Variants in CRY1 observed in about 807,000 individuals in gnomAD.
CRY1 encodes cryptochrome circadian regulator 1.
Under a neutral mutation model 76.0 loss-of-function variants are expected in CRY1, and 45 were observed. The ratio of observed to expected loss-of-function variants is 0.59; its 90% CI spans 0.47 to 0.76. The LOEUF (loss-of-function observed/expected upper bound fraction) is 0.76. Ranked by LOEUF, CRY1 falls within the 30% of genes least tolerant of loss-of-function variation. CRY1 has a pLI of 0.00. For missense variants in CRY1, 587 were observed against 716.4 expected, an observed-to-expected ratio of 0.82 and a Z score of 2.06; for synonymous variants, 248 against 244.0, an observed-to-expected ratio of 1.02 and a Z score of -0.15.
chr12:107,048,940 AT>A (rs544190943), intron 1 of CRY1, among the ~76,000 whole-genome samples: 4 of 151,978 alleles, frequency 2.6e-5, no homozygotes, highest in African/African-American at 4.8e-5. Context: ...ATGCCTGGTT[AT>A]TTTTTACCGT....
At position 106,997,681 on chromosome 12, in the gene CRY1, C is replaced by A; in HGVS notation, c.1299G>T (p.Leu433Phe). The A allele has an allele frequency of 1.9e-6, 3 of 1,613,824 alleles. No homozygotes were observed. The South Asian group carries it at 3.3e-5, about 18-fold the overall frequency. Reference sequence around the variant, plus strand: ...TTGCAGGGAAGCCTCTTAGGACAGGCAAATAACGCCTTTGGGAGAAAAAAG... The same window carrying A: ...TTGCAGGGAAGCCTCTTAGGACAGGAAAATAACGCCTTTGGGAGAAAAAAG... ...DPNGDYIRRY[L>F]PVLRGFPAKY... is the part of the protein sequence containing the mutation. Residue 433 changes from leucine to phenylalanine, a missense_variant, in exon 9 of 13, where the codon TTG (leucine) becomes TTT (phenylalanine). By Grantham distance (22) the Leu-to-Phe change is conservative. Transcript: ENST00000008527.
At chr12:106,998,692 AAG>A (rs1952262306) in intron 7 of CRY1, among the ~76,000 whole-genome samples, 2 of 150,962 alleles carry the variant, frequency 1.3e-5, no homozygotes, top group African/African-American at 2.4e-5. Flanking sequence ...ACACACACAC[AAG>A]CTCAGAAATG....
At chr12:107,018,524 T>G (rs1446252256) in intron 2 of CRY1, among the ~76,000 whole-genome samples, 1 of 152,166 alleles carries the variant, frequency 6.6e-6, no homozygotes, top group Non-Finnish European at 1.5e-5. Context: ...AAGGCAAATG[T>G]TGCAGTGAGC....
intron 2 of CRY1, among the ~76,000 whole-genome samples, chr12:107,006,510 T>A (rs1193267226): frequency 2.6e-5 from 4 of 152,058 alleles, no homozygotes; most frequent in Non-Finnish European, 5.9e-5. Flanking sequence ...GGATCAAAGA[T>A]AAGCACATTC....
intron 2 of CRY1, among the ~76,000 whole-genome samples, chr12:107,009,147 TTATCCTA>T (rs1952408392): frequency 6.6e-6 from 1 of 152,218 alleles, no homozygotes; most frequent in Admixed American, 6.5e-5. Flanking sequence ...CTCTTTTCCT[TTATCCTA>T]TTAACCCAGT....
intron 7 of CRY1, among the ~76,000 whole-genome samples, chr12:106,999,281 A>G (rs1952273318): frequency 6.6e-6 from 1 of 152,186 alleles, no homozygotes; most frequent in Non-Finnish European, 1.5e-5. Context: ...CAACAAATTC[A>G]GTGTTAAATT....
intron 1 of CRY1, among the ~76,000 whole-genome samples, chr12:107,084,894 A>C (rs536371611): frequency 1.3e-5 from 2 of 152,254 alleles, no homozygotes; most frequent in South Asian, 4.1e-4. Flanking sequence ...CAACCTATAG[A>C]ATGGGAGAAA....
intron 1 of CRY1, among the ~76,000 whole-genome samples, chr12:107,049,255 G>C (rs1276079919): frequency 1.3e-5 from 2 of 152,066 alleles, no homozygotes; most frequent in East Asian, 3.8e-4. Flanking sequence ...CAGTCTCTCA[G>C]TCACCATTGT....
chr12:107,093,123 G>A lies in CRY1; in HGVS notation c.-162C>T. 3.5e-6 allele frequency: 3 copies of A among 856,760 alleles called. No individual in the cohort carries two copies. Among genetic ancestry groups the A allele is most frequent in the South Asian group, 4.1e-5 (2 of 48,828 alleles). The allele number at this position is 856,760 out of a possible 1,614,324, so 53.1% of individuals were successfully genotyped here. On this transcript the variant is annotated 5_prime_UTR_variant, in exon 1 of 13. Coordinates refer to ENST00000008527, the MANE Select transcript of CRY1 (RefSeq NM_004075.5). ...TGACTCCGAGGAGGGGACCGGAGAA[G>A]GCGGGGGCGCCGGAGGCGCAGTGGA...
chr12:107,014,158 G>C (rs1952473645), intron 2 of CRY1, among the ~76,000 whole-genome samples: 2 of 152,208 alleles, frequency 1.3e-5, no homozygotes, highest in Admixed American at 6.5e-5. Flanking sequence ...AAATTTACCG[G>C]AGGGCAATGA....
At chr12:106,992,223 T>C (rs1441455576) in intron 12 of CRY1, 1 of 152,196 alleles carries the variant, frequency 6.6e-6, no homozygotes, top group Non-Finnish European at 1.5e-5. Context: ...ATTTTTCATA[T>C]TAATTTAAAT....
At chr12:107,032,714 T>C (rs1952691560) in intron 1 of CRY1, among the ~76,000 whole-genome samples, 1 of 152,062 alleles carries the variant, frequency 6.6e-6, no homozygotes, top group Non-Finnish European at 1.5e-5. Context: ...GAAGCAAAGG[T>C]GGGAGGATCG....
At chr12:107,000,837 T>C (rs1364267677) in intron 5 of CRY1, among the ~76,000 whole-genome samples, 1 of 145,776 alleles carries the variant, frequency 6.9e-6, no homozygotes, top group African/African-American at 2.6e-5. Flanking sequence ...TTAGTAAAGA[T>C]GGGGGTTTTG....
At position 106,991,411 on chromosome 12, in the gene CRY1, T is replaced by C. The variant is rs1188931154; in HGVS notation, c.*591A>G. 6.6e-6 allele frequency: 1 copy of C among 152,552 alleles called. No individual in the cohort carries two copies. Among genetic ancestry groups the C allele is most frequent in the African/African-American group, 2.4e-5 (1 of 41,438 alleles). 9.4% of individuals were successfully genotyped at this position (152,552 alleles called of 1,614,324 possible). On this transcript the variant is annotated 3_prime_UTR_variant, in exon 13 of 13. Coordinates refer to ENST00000008527, the MANE Select transcript of CRY1 (RefSeq NM_004075.5). The stretch of plus-strand genomic sequence containing the variant: ...ATAACAAGTTCATTTTAGTAATAAA[T>C]GAACAAAGAAACAGAGACAGAGAAC...
intron 1 of CRY1, chr12:107,072,982 C>T (rs1427740601): frequency 5.9e-5 from 9 of 152,026 alleles, no homozygotes; most frequent in African/African-American, 2.2e-4. Flanking sequence ...AATAACTGGC[C>T]ATCATTTTGT....
intron 1 of CRY1, among the ~76,000 whole-genome samples, chr12:107,027,856 A>G (rs1243622732): frequency 6.6e-6 from 1 of 152,170 alleles, no homozygotes; most frequent in Non-Finnish European, 1.5e-5. Context: ...CTGTCTATGA[A>G]ATAGTCCAAA....
intron 1 of CRY1, among the ~76,000 whole-genome samples, chr12:107,030,953 T>C (rs773395059): frequency 1.4e-4 from 22 of 152,140 alleles, no homozygotes; most frequent in Non-Finnish European, 3.1e-4. Flanking sequence ...CTGGGGACTG[T>C]AAGTATTATG....
At position 107,001,292 on chromosome 12, in the gene CRY1, A is replaced by G; in HGVS notation, c.672T>C (p.His224=). 1 of 1,613,202 alleles carries G rather than the reference A, an allele frequency of 6.2e-7. No individual in the cohort carries two copies. The highest frequency in any genetic ancestry group is 8.5e-7 in the Non-Finnish European group (1 of 1,179,310). The change falls in exon 5 of 13, where the codon CAT becomes CAC. Residue 224 remains histidine (H), a synonymous_variant. Transcript: ENST00000008527. ...ETEALTRLER[H]LERKAWVANF... is the part of the protein sequence containing the mutation. ...TACATTATCATACTTTTCTTTCCAA[A>G]TGCCTTTCCAAACGAGTAAGTGCTT... is the stretch of plus-strand genomic sequence containing the variant.
At chr12:107,008,868 C>T (rs1234231950) in intron 2 of CRY1, among the ~76,000 whole-genome samples, 1 of 152,200 alleles carries the variant, frequency 6.6e-6, no homozygotes, top group East Asian at 1.9e-4. Context: ...CCTACCCATG[C>T]TCTCTTGCCA....
Sources: gnomAD v4.1 joint callset for allele counts (sites outside exome capture counted in the v4.1 genomes callset) on GRCh38, gnomAD v4.1.1 for gene constraint, MANE v1.5 for transcripts, NCBI Gene and HGNC (gene_info 2026-07-23, HGNC 2026-07-21) for gene names.